The following SASH1 variants were observed in gnomAD, a reference collection of about 807,000 sequenced individuals.
SASH1 encodes the protein SAM and SH3 domain-containing protein 1.
A neutral mutation model predicts 125.2 loss-of-function variants in SASH1; 44 were observed. The ratio of observed to expected loss-of-function variants is 0.35; its 90% CI spans 0.28 to 0.45. The LOEUF (loss-of-function observed/expected upper bound fraction) is 0.45. SASH1 is among the 20% of genes least tolerant of loss of function. The pLI is 1.00. For missense variants in SASH1, 1,426 were observed against 1,614.5 expected, an observed-to-expected ratio of 0.88 and a Z score of 2.00; for synonymous variants, 639 against 649.1, an observed-to-expected ratio of 0.98 and a Z score of 0.24.
chr6:148,466,914 T>G (rs763799824), intron 4 of SASH1, among the ~76,000 whole-genome samples: 36 of 152,114 alleles, frequency 2.4e-4, no homozygotes, highest in Non-Finnish European at 2.6e-4. Context: ...TTCCTGGTGG[T>G]GAACTTGTAG....
the SASH1 span, among the ~76,000 whole-genome samples, chr6:148,247,028 G>A: frequency 6.6e-6 from 1 of 152,140 alleles, no homozygotes; most frequent in African/African-American, 2.4e-5. Flanking sequence ...AGGGAAGAAG[G>A]CCAAGGGCGA....
chr6:148,472,453 A>G (rs1778161577), intron 6 of SASH1, among the ~76,000 whole-genome samples: 1 of 152,098 alleles, frequency 6.6e-6, no homozygotes, highest in Admixed American at 6.5e-5. Context: ...TCTAAAAAAA[A>G]AAAAAACAGT....
At chr6:148,340,967 C>T (rs993517037), upstream of SASH1, among the ~76,000 whole-genome samples, 24 of 152,082 alleles carry the variant, frequency 1.6e-4, no homozygotes, top group African/African-American at 5.3e-4. Context: ...GAGATCATGT[C>T]TCTATAAAAA....
intron 2 of SASH1, among the ~76,000 whole-genome samples, chr6:148,435,309 T>G (rs1583155395): frequency 7.4e-6 from 1 of 134,644 alleles, no homozygotes; most frequent in African/African-American, 2.9e-5. Context: ...ACCTGGGAGG[T>G]GGAGGTTGCA....
At chr6:148,474,033 C>A in intron 6 of SASH1, 77 bp from the exon 7 acceptor site, 1 of 884,728 alleles carries the variant, frequency 1.1e-6, no homozygotes, top group Non-Finnish European at 1.9e-6. Context: ...TAGCCCGAGA[C>A]AGCAGATGTT....
intron 8 of SASH1, chr6:148,509,196 A>C: frequency 6.4e-6 from 2 of 313,072 alleles, no homozygotes; most frequent in African/African-American, 2.2e-5. Flanking sequence ...AGTGTTGCAC[A>C]TTGCTTTTCA....
chr6:148,244,903 CATGTGTGTGTGTGTGTGTGTGTGTGTGT>C, the SASH1 span, among the ~76,000 whole-genome samples: 7 of 78,236 alleles, frequency 8.9e-5, no homozygotes, highest in African/African-American at 3.9e-4. Context: ...AGGCCTGGGG[CATGTGTGTGTGTGTGTGTGTGTGTGTGT>C]ATGTGTGTGT....
chr6:148,396,736 A>G (rs1372182836), intron 2 of SASH1, among the ~76,000 whole-genome samples: 3 of 152,138 alleles, frequency 2.0e-5, no homozygotes, highest in African/African-American at 7.2e-5. Context: ...TGTAAGAAAC[A>G]TTAATGGAAA....
intron 2 of SASH1, among the ~76,000 whole-genome samples, chr6:148,417,727 T>TTA (rs1412206330): frequency 9.8e-5 from 12 of 122,716 alleles, no homozygotes; most frequent in Non-Finnish European, 1.6e-4. Flanking sequence ...TGGTTTTTTT[T>TTA]AAAAAAAACT....
chr6:148,414,373 T>C (rs1449891233), intron 2 of SASH1, among the ~76,000 whole-genome samples: 1 of 151,934 alleles, frequency 6.6e-6, no homozygotes, highest in African/African-American at 2.4e-5. Context: ...CGAGGGTGAA[T>C]GCAGGAAGGT....
chr6:148,418,576 T>C (rs1357715336), intron 2 of SASH1, among the ~76,000 whole-genome samples: 3 of 152,214 alleles, frequency 2.0e-5, no homozygotes, highest in African/African-American at 7.2e-5. Context: ...TGTGTGATGG[T>C]GTCTCCGCTT....
At chr6:148,270,868 T>C (rs1452637936), upstream of SASH1, among the ~76,000 whole-genome samples, 4 of 151,832 alleles carry the variant, frequency 2.6e-5, no homozygotes, top group Non-Finnish European at 5.9e-5. Context: ...TAGGGACAGG[T>C]CTTTGTCTCT....
At chr6:148,368,983 C>T (rs953936805) in intron 1 of SASH1, among the ~76,000 whole-genome samples, 37 of 152,296 alleles carry the variant, frequency 2.4e-4, no homozygotes, top group East Asian at 5.8e-4. Flanking sequence ...CTGGAAGATA[C>T]GGATCCATTC....
chr6:148,466,015 C>A (rs1179088770), intron 4 of SASH1, among the ~76,000 whole-genome samples: 1 of 152,168 alleles, frequency 6.6e-6, no homozygotes, highest in Non-Finnish European at 1.5e-5. Context: ...TTGTTCAGTA[C>A]ATTTTGGCTG....
In SASH1 at chr6:148,335,322, G is replaced by A. The variant is rs147184430; in HGVS notation, n.75-54812G>A. 7.1e-3 allele frequency among the ~76,000 whole-genome samples: 1,076 copies of A among 150,806 alleles called. 11 individuals carry two copies. The highest frequency in any genetic ancestry group is 0.025 in the African/African-American group (1,016 of 41,034). ...CAGGAAAAAAAAAAAAAAATTAGCCGGGCATGGTAGGGGTCACCTGTAATT... is the reference window on the plus strand; with the variant it reads ...CAGGAAAAAAAAAAAAAAATTAGCCAGGCATGGTAGGGGTCACCTGTAATT... On this transcript the variant is annotated intron_variant and non_coding_transcript_variant, in intron 1 of 3. Coordinates refer to the SASH1 transcript ENST00000367469.
At chr6:148,350,705 A>G (rs1202326500) in intron 1 of SASH1, among the ~76,000 whole-genome samples, 2 of 152,230 alleles carry the variant, frequency 1.3e-5, no homozygotes. Context: ...GTAAAAATGA[A>G]ATTGGTCTCA....
intron 17 of SASH1, among the ~76,000 whole-genome samples, chr6:148,542,850 C>G (rs1388663730): frequency 1.6e-5 from 2 of 126,948 alleles, no homozygotes; most frequent in African/African-American, 3.0e-5. Flanking sequence ...TAACAAGGGA[C>G]AGTGTGTGTG....
chr6:148,465,850 G>C (rs557417306), intron 4 of SASH1, among the ~76,000 whole-genome samples: 1 of 151,954 alleles, frequency 6.6e-6, no homozygotes, highest in Admixed American at 6.6e-5. Context: ...CACTTCTCCC[G>C]TGGCCCTGAG....
At chr6:148,407,927 C>G (rs1485753315) in intron 2 of SASH1, among the ~76,000 whole-genome samples, 4 of 152,088 alleles carry the variant, frequency 2.6e-5, no homozygotes, top group African/African-American at 9.7e-5. Context: ...GCCACCGCAC[C>G]CAGCTACTTT....
Sources: gnomAD v4.1 joint callset for allele counts (sites outside exome capture counted in the v4.1 genomes callset) on GRCh38, gnomAD v4.1.1 for gene constraint, MANE v1.5 for transcripts, NCBI Gene and HGNC (gene_info 2026-07-23, HGNC 2026-07-21) for gene names.